The following DLGAP4 variants were observed in gnomAD, a reference collection of about 807,000 sequenced individuals.
DLGAP4 encodes the protein disks large-associated protein 4.
DLGAP4 carries 18 observed loss-of-function variants against 86.9 expected under a neutral mutation model. That is an observed-to-expected ratio of 0.21 (90% CI 0.14 to 0.31). The LOEUF is 0.31. Ranked by LOEUF, DLGAP4 falls within the 10% of genes least tolerant of loss-of-function variation. The pLI is 1.00. For synonymous variants in DLGAP4, 548 were observed against 574.3 expected, an observed-to-expected ratio of 0.95 and a Z score of 0.65; for missense variants, 1,085 against 1,362.6, an observed-to-expected ratio of 0.80 and a Z score of 3.21.
intron 1 of DLGAP4, among the ~76,000 whole-genome samples, chr20:36,352,097 G>C (rs1160282129): frequency 6.6e-6 from 1 of 152,214 alleles, no homozygotes; most frequent in Non-Finnish European, 1.5e-5. Flanking sequence ...GGGTGATCCA[G>C]GGAAGAGTGG....
At chr20:36,519,993 A>T (rs1310868258) in intron 10 of DLGAP4, among the ~76,000 whole-genome samples, 3 of 149,654 alleles carry the variant, frequency 2.0e-5, no homozygotes, top group African/African-American at 7.4e-5. Context: ...AAGAGGTCTC[A>T]CTGTGTTGCC....
chr20:36,476,789 C>G (rs552196020), intron 7 of DLGAP4, among the ~76,000 whole-genome samples: 9 of 144,264 alleles, frequency 6.2e-5, no homozygotes, highest in African/African-American at 2.4e-4. Context: ...CTCACCGCAA[C>G]CTCCGCCTCC....
intron 1 of DLGAP4, among the ~76,000 whole-genome samples, chr20:36,343,723 G>A (rs2147377977): frequency 6.6e-6 from 1 of 152,288 alleles, no homozygotes; most frequent in Admixed American, 6.5e-5. Context: ...GAGCAGCTTG[G>A]GTGCATGTCT....
chr20:36,526,225 T>G (rs552952649), intron 12 of DLGAP4: 1 of 651,582 alleles, frequency 1.5e-6, no homozygotes, highest in Non-Finnish European at 2.7e-6. Flanking sequence ...TGTCCTGCCC[T>G]GCATGTCCAG....
chr20:36,455,613 TC>T (rs377011507), intron 7 of DLGAP4, among the ~76,000 whole-genome samples: 24 of 152,230 alleles, frequency 1.6e-4, no homozygotes, highest in African/African-American at 5.5e-4. Flanking sequence ...CACCTGCCCT[TC>T]CCTGGGCCTC....
At position 36,528,039 on chromosome 20, in the gene DLGAP4, G is replaced by A. The variant is rs1424446444; in HGVS notation, c.*1008G>A. 1.3e-5 allele frequency: 2 copies of A among 152,704 alleles called. No individual in the cohort carries two copies. The highest frequency in any genetic ancestry group is 1.5e-5 in the Non-Finnish European group (1 of 68,100). 9.5% of individuals were successfully genotyped at this position (152,704 alleles called of 1,614,324 possible). A position where few individuals can be genotyped will look rare whatever the true frequency, so the allele number is the denominator to read the frequency against. ...CCGCTGGCTCTCGGGGCACCTGGCA[G>A]GAGGCGGGTGTGTGAATAGCATATA... On this transcript the variant is annotated 3_prime_UTR_variant, in exon 13 of 13. Transcript: ENST00000339266.
chr20:36,497,392 C>T, intron 8 of DLGAP4: 1 of 1,173,182 alleles, frequency 8.5e-7, no homozygotes, highest in Non-Finnish European at 1.1e-6. Context: ...CCACCCTTTG[C>T]CCTGCCAGCT....
intron 1 of DLGAP4, among the ~76,000 whole-genome samples, chr20:36,309,874 C>T (rs1291806565): frequency 1.3e-5 from 2 of 152,198 alleles, no homozygotes; most frequent in Non-Finnish European, 2.9e-5. Context: ...CCTGTGAGGA[C>T]CCCACTCTGT....
intron 2 of DLGAP4, among the ~76,000 whole-genome samples, chr20:36,391,972 G>C (rs1197142400): frequency 6.6e-6 from 1 of 152,258 alleles, no homozygotes; most frequent in Non-Finnish European, 1.5e-5. Flanking sequence ...CCTTTTGGAG[G>C]AATTGCAGAG....
intron 1 of DLGAP4, among the ~76,000 whole-genome samples, chr20:36,363,347 A>G (rs1227277883): frequency 6.6e-6 from 1 of 152,170 alleles, no homozygotes; most frequent in African/African-American, 2.4e-5. Flanking sequence ...AGCTGAATAC[A>G]AGGAGTCATA....
intron 1 of DLGAP4, among the ~76,000 whole-genome samples, chr20:36,361,878 C>G (rs1484419926): frequency 6.6e-6 from 1 of 150,572 alleles, no homozygotes; most frequent in African/African-American, 2.5e-5. Context: ...ACTCGGGAGG[C>G]TGAGACAGGA....
At chr20:36,335,982 G>C (rs981058903) in intron 1 of DLGAP4, among the ~76,000 whole-genome samples, 2 of 152,174 alleles carry the variant, frequency 1.3e-5, no homozygotes, top group African/African-American at 4.8e-5. Context: ...AGGATGACAG[G>C]TTCCTGTTTC....
chr20:36,324,480 C>A (rs1555890882), intron 1 of DLGAP4, among the ~76,000 whole-genome samples: 1 of 152,018 alleles, frequency 6.6e-6, no homozygotes, highest in Non-Finnish European at 1.5e-5. Context: ...GGTCTTTGAT[C>A]CATTTTGAGT....
intron 7 of DLGAP4, among the ~76,000 whole-genome samples, chr20:36,480,416 G>A (rs2035134877): frequency 6.6e-6 from 1 of 152,166 alleles, no homozygotes; most frequent in South Asian, 2.1e-4. Context: ...TCCGGAGGTA[G>A]GGGGGTAAAA....
Position 36,452,189 on chromosome 20 carries a change from T to C in DLGAP4, c.1648+5252T>C, listed in dbSNP as rs541429655. Reference sequence around the variant, plus strand: ...CGCTCCTTGAAGATCGGCTATTTTTTACTTTTTTAGACAGGATCTCCATGT... The same window carrying C: ...CGCTCCTTGAAGATCGGCTATTTTTCACTTTTTTAGACAGGATCTCCATGT... On this transcript the variant is annotated intron_variant, in intron 7 of 12. Coordinates refer to ENST00000339266, the MANE Select transcript of DLGAP4 (RefSeq NM_001365621.2). 3.3e-5 allele frequency among the ~76,000 whole-genome samples: 5 copies of C among 152,280 alleles called. No homozygotes were observed. In the East Asian group the frequency reaches 5.8e-4, roughly 18 times the overall value.
chr20:36,436,346 C>G lies in DLGAP4; in HGVS notation c.1237C>G (p.Arg413Gly), dbSNP rs775153542. 4.4e-6 allele frequency: 7 copies of G among 1,591,378 alleles called. No individual in the cohort carries two copies. The highest frequency in any genetic ancestry group is 1.7e-5 in the Admixed American group (1 of 59,198). ...QQSLGEQSNP[R>G]RSLDRLDSVD... is the part of the protein sequence containing the mutation. ...GTCGCTGGGAGAGCAGAGCAACCCC[C>G]GCAGGTAGGCGCGCAGCTCCACCCT... The change falls in exon 4 of 13, where the codon CGC becomes GGC. Residue 413 changes from arginine (R) to glycine (G), a missense_variant. Physicochemically the swap from Arg to Gly is moderately radical, Grantham distance 125 (BLOSUM62 -2). This residue lies in a region of DLGAP4 where 1,082 missense variants were observed against 1,344.1 expected (regional missense o/e 0.81). Transcript: ENST00000339266.
intron 2 of DLGAP4, among the ~76,000 whole-genome samples, chr20:36,423,990 A>G (rs1045977293): frequency 6.6e-6 from 1 of 152,036 alleles, no homozygotes; most frequent in African/African-American, 2.4e-5. Context: ...CATTATCCCC[A>G]TGTTACAGAA....
At chr20:36,361,413 C>A (rs782660916) in intron 1 of DLGAP4, among the ~76,000 whole-genome samples, 1 of 152,132 alleles carries the variant, frequency 6.6e-6, no homozygotes, top group Middle Eastern at 3.2e-3. Context: ...GAGTCGAATT[C>A]TTTTGAAAAG....
chr20:36,494,984 G>GTTTTT lies in DLGAP4; in HGVS notation c.1649-1700_1649-1696dup, dbSNP rs752411826. Among the ~76,000 whole-genome samples the GTTTTT allele has an allele frequency of 5.8e-3, 439 of 75,360 alleles. 2 individuals carry two copies. The highest frequency in any genetic ancestry group is 0.017 in the Middle Eastern group (1 of 60). 49.4% of individuals were successfully genotyped at this position (75,360 alleles called of 152,430 possible). On this transcript the variant is annotated intron_variant, in intron 7 of 12. Coordinates refer to ENST00000339266, the MANE Select transcript of DLGAP4 (RefSeq NM_001365621.2). ...AAAAGTGGTTTTTTTTTTTTGTTCGGTTTTTTTTTTTTTTTTTTTTTTTTT... is the reference window on the plus strand; with the variant it reads ...AAAAGTGGTTTTTTTTTTTTGTTCGGTTTTTTTTTTTTTTTTTTTTTTTTTTTTTT...
Sources: allele counts gnomAD v4.1 joint callset (sites outside exome capture counted in the v4.1 genomes callset), GRCh38; gene constraint gnomAD v4.1.1; regional missense constraint gnomAD v4.1.1; transcripts MANE v1.5; gene names NCBI Gene and HGNC (gene_info 2026-07-23, HGNC 2026-07-21).